HIPK3: variants seen among roughly 807,000 people sequenced by gnomAD.
HIPK3 encodes the protein homeodomain-interacting protein kinase 3.
A neutral mutation model predicts 124.2 loss-of-function variants in HIPK3; 47 were observed. The ratio of observed to expected loss-of-function variants is 0.38; its 90% CI spans 0.30 to 0.48. The LOEUF is 0.48. HIPK3 is among the 20% of genes least tolerant of loss of function. The pLI is 0.98. For synonymous variants in HIPK3, 482 were observed against 515.2 expected (o/e 0.94, Z 0.87); for missense variants, 1,286 against 1,454.3 (o/e 0.88, Z 1.88).
chr11:33,286,856 T>C lies in HIPK3; in HGVS notation c.442T>C (p.Ser148Pro), dbSNP rs778285089. ...CGCAATGCAGATTGTCGATGAATTG[T>C]CCATACTTCCTGCAATGTTGCAAAC... ...SSAMQIVDEL[S>P]ILPAMLQTNM... The change falls in exon 2 of 17, where the codon TCC (serine) becomes CCC (proline). Residue 148 changes from serine to proline, a missense_variant. Ser to Pro is a moderately conservative substitution (Grantham distance 74, BLOSUM62 -1). Transcript: ENST00000303296. The C allele has an allele frequency of 3.7e-6, 6 of 1,614,052 alleles. No individual in the cohort carries two copies. In the African/African-American group the frequency reaches 8.0e-5, roughly 22 times the overall value.
intron 9 of HIPK3, 37 bp from the exon 10 acceptor site, chr11:33,347,592 C>T: frequency 6.2e-7 from 1 of 1,602,444 alleles, no homozygotes. Flanking sequence ...TTACTTATAA[C>T]TTGTTATTTT....
intron 4 of HIPK3, 105 bp downstream of exon 4, chr11:33,337,299 CT>C (rs1204122238): frequency 8.8e-6 from 5 of 571,024 alleles, no homozygotes; most frequent in Non-Finnish European, 1.1e-5. Flanking sequence ...ATATTTCTTC[CT>C]TTTTTTGAAT....
rs959220868 is a variant in HIPK3, at chr11:33,347,939, A to C, written c.2232A>C (p.Pro744=). Reference sequence around the variant, plus strand: ...AGATAACTTTATCTGCCCCTCAGCCAGTTAGTGTGGGGATTGCACATGTTG... The same window carrying C: ...AGATAACTTTATCTGCCCCTCAGCCCGTTAGTGTGGGGATTGCACATGTTG... ...TNQITLSAPQ[P]VSVGIAHVVW... is the part of the protein sequence containing the mutation. Residue 744 remains proline (P), a synonymous_variant, in exon 11 of 17, where the codon CCA becomes CCC. Transcript: ENST00000303296. The C allele has an allele frequency of 3.1e-6, 5 of 1,614,176 alleles. No homozygotes were observed. The East Asian group carries it at 6.7e-5, about 22-fold the overall frequency.
chr11:33,290,461 T>A (rs1851669084), intron 2 of HIPK3, among the ~76,000 whole-genome samples: 1 of 152,052 alleles, frequency 6.6e-6, no homozygotes, highest in Non-Finnish European at 1.5e-5. Flanking sequence ...TCTTGAGAGC[T>A]TTTAGTAGTG....
At chr11:33,337,630 A>G (rs1853194323) in intron 4 of HIPK3, among the ~76,000 whole-genome samples, 2 of 151,068 alleles carry the variant, frequency 1.3e-5, no homozygotes, top group South Asian at 2.1e-4. Flanking sequence ...TGCTAGGATT[A>G]CAGGCGTGAT....
intron 2 of HIPK3, among the ~76,000 whole-genome samples, chr11:33,296,576 G>T (rs955382139): frequency 1.3e-5 from 2 of 152,064 alleles, no homozygotes; most frequent in African/African-American, 4.8e-5. Context: ...AACAGCATGC[G>T]CTCATTTTAT....
At chr11:33,338,873 T>TGTAAGATGA in intron 5 of HIPK3, 30 bp downstream of exon 5, 1 of 1,482,066 alleles carries the variant, frequency 6.7e-7, no homozygotes, top group Non-Finnish European at 9.4e-7. Flanking sequence ...TTGTTCATCT[T>TGTAAGATGA]ACATGCTTAG....
At chr11:33,321,114 TAAG>T (rs1382606774) in intron 2 of HIPK3, among the ~76,000 whole-genome samples, 5 of 152,162 alleles carry the variant, frequency 3.3e-5, no homozygotes, top group East Asian at 1.9e-4. Context: ...GCTAGTGAGA[TAAG>T]GAGGAGAACG....
chr11:33,353,758 T>C lies in HIPK3; in HGVS notation c.*190T>C. 1.8e-6 allele frequency: 1 copy of C among 550,822 alleles called. No homozygotes were observed. The highest frequency in any genetic ancestry group is 3.3e-6 in the Non-Finnish European group (1 of 307,028). The allele number at this position is 550,822 out of a possible 1,614,324, so 34.1% of individuals were successfully genotyped here. On this transcript the variant is annotated 3_prime_UTR_variant, in exon 17 of 17. Coordinates refer to ENST00000303296, the MANE Select transcript of HIPK3 (RefSeq NM_005734.5). ...CACATTTGGTATAACTTGTCTTTGG[T>C]CATGTTATCTTCTTATGTAGTAACT...
At chr11:33,298,961 C>G (rs931690077) in intron 2 of HIPK3, among the ~76,000 whole-genome samples, 11 of 152,046 alleles carry the variant, frequency 7.2e-5, no homozygotes, top group African/African-American at 2.4e-4. Context: ...ATTCTCCTGC[C>G]TCAGCCTCCC....
intron 2 of HIPK3, among the ~76,000 whole-genome samples, chr11:33,303,608 G>C (rs1294867357): frequency 6.6e-6 from 1 of 152,154 alleles, no homozygotes; most frequent in Non-Finnish European, 1.5e-5. Flanking sequence ...TCATGGATTA[G>C]ATGTCCTTCC....
intron 1 of HIPK3, among the ~76,000 whole-genome samples, chr11:33,276,207 T>G (rs1851264871): frequency 6.6e-6 from 1 of 152,186 alleles, no homozygotes; most frequent in African/African-American, 2.4e-5. Context: ...TGAGAGTAAG[T>G]TGCAGGCATG....
chr11:33,348,399 G>T, intron 12 of HIPK3, 123 bp from the exon 13 acceptor site: 1 of 1,010,212 alleles, frequency 9.9e-7, no homozygotes, highest in Non-Finnish European at 1.4e-6. Flanking sequence ...AGATCTGTTA[G>T]TGTGTTATAT....
At chr11:33,351,529 C>T in intron 14 of HIPK3, 79 bp from the exon 15 acceptor site, 2 of 940,280 alleles carry the variant, frequency 2.1e-6, no homozygotes, top group Non-Finnish European at 3.4e-6. Context: ...CATCAGTTCA[C>T]TGGAGCCTGA....
intron 8 of HIPK3, among the ~76,000 whole-genome samples, chr11:33,346,798 A>AT (rs1273015330): frequency 6.6e-6 from 1 of 152,240 alleles, no homozygotes; most frequent in Non-Finnish European, 1.5e-5. Flanking sequence ...AATTTTTGGA[A>AT]TGATGTATAT....
intron 2 of HIPK3, among the ~76,000 whole-genome samples, chr11:33,315,479 C>T (rs560789849): frequency 6.6e-5 from 10 of 152,208 alleles, no homozygotes; most frequent in Non-Finnish European, 1.5e-4. Context: ...CCTGCCTCGG[C>T]CTCCCAAGGT....
intron 1 of HIPK3, among the ~76,000 whole-genome samples, chr11:33,266,992 T>G (rs1341811179): frequency 6.6e-6 from 1 of 152,182 alleles, no homozygotes; most frequent in East Asian, 1.9e-4. Context: ...TCACATTGCC[T>G]GAGGGAATTC....
chr11:33,300,110 G>A (rs1222421998), intron 2 of HIPK3, among the ~76,000 whole-genome samples: 1 of 152,038 alleles, frequency 6.6e-6, no homozygotes, highest in Admixed American at 6.5e-5. Context: ...GGGAGGCTGA[G>A]GCGGGCAGAT....
At chr11:33,333,896 TA>T (rs1211640705) in intron 3 of HIPK3, among the ~76,000 whole-genome samples, 1 of 152,242 alleles carries the variant, frequency 6.6e-6, no homozygotes, top group African/African-American at 2.4e-5. Context: ...TAGCAAATAA[TA>T]GATGCTCTGT....
Sources: gnomAD v4.1 joint callset for allele counts (sites outside exome capture counted in the v4.1 genomes callset) on GRCh38, gnomAD v4.1.1 for gene constraint, MANE v1.5 for transcripts, NCBI Gene and HGNC (gene_info 2026-07-23, HGNC 2026-07-21) for gene names.